RUVBL1: variants seen among roughly 807,000 people sequenced by gnomAD.
RUVBL1 encodes RuvB like AAA ATPase 1.
RUVBL1 carries 4 observed loss-of-function variants against 52.4 expected under a neutral mutation model. The observed-to-expected ratio is 0.08, with a 90% CI of 0.04 to 0.17. The LOEUF (loss-of-function observed/expected upper bound fraction) is 0.17, where lower values mean the gene tolerates loss of function less well. RUVBL1 is among the 10% of genes least tolerant of loss of function. RUVBL1 has a pLI of 1.00. For synonymous variants in RUVBL1, 217 were observed against 214.4 expected (o/e 1.01, Z -0.10); for missense variants, 298 against 572.8 (o/e 0.52, Z 4.90).
At chr3:128,103,826 A>T (rs1447566536) in intron 4 of RUVBL1, among the ~76,000 whole-genome samples, 1 of 152,232 alleles carries the variant, frequency 6.6e-6, no homozygotes, top group Non-Finnish European at 1.5e-5. Context: ...ATGACAATAA[A>T]TGTTTGTTGA....
intron 2 of RUVBL1, among the ~76,000 whole-genome samples, 183 bp from the exon 3 acceptor site, chr3:128,113,203 C>G (rs1943433989): frequency 6.6e-6 from 1 of 152,200 alleles, no homozygotes; most frequent in African/African-American, 2.4e-5. Flanking sequence ...TAAATGGCAT[C>G]TCTTATCTTC....
At chr3:128,125,004 CCT>C (rs1943760478), upstream of RUVBL1, among the ~76,000 whole-genome samples, 1 of 77,576 alleles carries the variant, frequency 1.3e-5, no homozygotes, top group East Asian at 3.9e-4. Flanking sequence ...TCTCACACCG[CCT>C]TTTTTTTTTT....
chr3:128,069,156 G>C (rs1942076182), intron 9 of RUVBL1, among the ~76,000 whole-genome samples: 1 of 152,124 alleles, frequency 6.6e-6, no homozygotes, highest in Non-Finnish European at 1.5e-5. Flanking sequence ...TATATCCAAA[G>C]TATCATTTCA....
chr3:128,080,456 C>T (rs1488985940), downstream of RUVBL1, among the ~76,000 whole-genome samples: 1 of 152,204 alleles, frequency 6.6e-6, no homozygotes, highest in Non-Finnish European at 1.5e-5. Context: ...ACCCGACAAA[C>T]ATGACCTCAG....
chr3:128,112,158 T>C (rs1023762867), intron 3 of RUVBL1, among the ~76,000 whole-genome samples: 6 of 152,204 alleles, frequency 3.9e-5, no homozygotes, highest in African/African-American at 1.2e-4. Context: ...CCAGAAGTCC[T>C]AGCTAGCAAA....
chr3:128,094,343 G>C (rs1942920570), intron 8 of RUVBL1, among the ~76,000 whole-genome samples: 1 of 152,200 alleles, frequency 6.6e-6, no homozygotes, highest in Admixed American at 6.5e-5. Context: ...GGAGGGGTGA[G>C]CGGCAAGAAG....
chr3:128,100,510 G>C, intron 6 of RUVBL1, 85 bp downstream of exon 6: 1 of 1,479,434 alleles, frequency 6.8e-7, no homozygotes, highest in Non-Finnish European at 9.0e-7. Flanking sequence ...AAGAAAGGCA[G>C]CAAGACTCTG....
intron 3 of RUVBL1, among the ~76,000 whole-genome samples, 160 bp downstream of exon 3, chr3:128,112,728 G>A (rs188943528): frequency 2.6e-5 from 4 of 152,258 alleles, no homozygotes; most frequent in African/African-American, 9.6e-5. Flanking sequence ...GAAAAACTGG[G>A]GTTTTGTTTT....
chr3:128,067,474 T>C lies in RUVBL1; in HGVS notation c.940-2254A>G. 1.2e-6 allele frequency: 2 copies of C among 1,614,188 alleles called. No individual in the cohort carries two copies. The highest frequency in any genetic ancestry group is 1.1e-5 in the South Asian group (1 of 91,088). On this transcript the variant is annotated intron_variant, in intron 9 of 9. Coordinates refer to the RUVBL1 transcript ENST00000464873. This position sits in a 1 kb window ranked among gnomAD's most constrained non-coding sequence, Gnocchi z 4.1. ...CTTATCCAGTTGGTGGCCTTTGCTA[T>C]TACCTGTCCCCTCCAGAATCTTTTG...
intron 3 of RUVBL1, among the ~76,000 whole-genome samples, chr3:128,110,387 C>T (rs966198117): frequency 3.3e-5 from 5 of 152,104 alleles, no homozygotes; most frequent in African/African-American, 9.7e-5. Flanking sequence ...GCCCCAGCTA[C>T]TTGGGAGGCT....
chr3:128,081,208 G>T lies in RUVBL1; in HGVS notation c.*42C>A. On this transcript the variant is annotated 3_prime_UTR_variant, in exon 11 of 11. Transcript: ENST00000322623. This position sits in a 1 kb window ranked among gnomAD's most constrained non-coding sequence, Gnocchi z 4.8. Reference sequence around the variant, plus strand: ...CGCCCACAGGCTGGACCCAGGCCAGGCACACCTGGGGAGTCTCTTACTGCT... The same window carrying T: ...CGCCCACAGGCTGGACCCAGGCCAGTCACACCTGGGGAGTCTCTTACTGCT... 1 of 1,588,864 alleles carries T rather than the reference G, an allele frequency of 6.3e-7. No individual in the cohort carries two copies. Among genetic ancestry groups the T allele is most frequent in the Non-Finnish European group, 8.6e-7 (1 of 1,162,640 alleles).
At chr3:128,109,174 G>A (rs1943318226) in intron 3 of RUVBL1, among the ~76,000 whole-genome samples, 1 of 152,182 alleles carries the variant, frequency 6.6e-6, no homozygotes, top group South Asian at 2.1e-4. Flanking sequence ...TTCCTTCGGT[G>A]GTGACGGTAT....
rs756694637 is a variant in RUVBL1, at chr3:128,081,424, G to C, written c.1212-15C>G. Reference sequence around the variant, plus strand: ...GCACTGAGTACCTAGAGTGGACAGGGGCCAGGGCTGGAGTGAAACTGGGGC... The same window carrying C: ...GCACTGAGTACCTAGAGTGGACAGGCGCCAGGGCTGGAGTGAAACTGGGGC... On this transcript the variant is annotated splice_polypyrimidine_tract_variant and intron_variant, in intron 10 of 10. Coordinates refer to ENST00000322623, the MANE Select transcript of RUVBL1 (RefSeq NM_003707.3). The surrounding 1 kb of genome is among the most constrained non-coding windows in gnomAD (Gnocchi z 4.8). 1.2e-6 allele frequency: 2 copies of C among 1,605,612 alleles called. No individual in the cohort carries two copies. The highest frequency in any genetic ancestry group is 3.3e-5 in the Admixed American group (2 of 59,744).
intron 1 of RUVBL1, among the ~76,000 whole-genome samples, chr3:128,149,349 T>C (rs1035481338): frequency 3.3e-5 from 5 of 152,132 alleles, no homozygotes; most frequent in African/African-American, 1.2e-4. Context: ...CATGCCTGGC[T>C]AATTTTTGTA....
Position 128,067,834 on chromosome 3 carries a change from C to T in RUVBL1, c.940-2614G>A. 1 of 732,844 alleles carries T rather than the reference C, an allele frequency of 1.4e-6. No homozygotes were observed. Among genetic ancestry groups the T allele is most frequent in the Admixed American group, 2.3e-5 (1 of 44,032 alleles). 45.4% of individuals were successfully genotyped at this position (732,844 alleles called of 1,614,324 possible). On this transcript the variant is annotated intron_variant, in intron 9 of 9. Coordinates refer to the RUVBL1 transcript ENST00000464873. This position sits in a 1 kb window ranked among gnomAD's most constrained non-coding sequence, Gnocchi z 4.1. ...TCCACACTGTAAAGTTAGACTTTTT[C>T]ATATGACTTCCTTGCGGCAGTTTTA...
At chr3:128,086,782 A>T (rs554253305) in intron 9 of RUVBL1, among the ~76,000 whole-genome samples, 1 of 152,274 alleles carries the variant, frequency 6.6e-6, no homozygotes, top group African/African-American at 2.4e-5. Flanking sequence ...TGCTTGGCAC[A>T]TAGTTGTGCT....
At chr3:128,069,337 T>G in intron 9 of RUVBL1, 5 of 788,834 alleles carry the variant, frequency 6.3e-6, no homozygotes, top group Non-Finnish European at 1.0e-5. Flanking sequence ...AGCGCTAGCA[T>G]GTTAGTAGAT....
upstream of RUVBL1, among the ~76,000 whole-genome samples, chr3:128,128,801 GT>G (rs1559832492): frequency 6.6e-6 from 1 of 152,202 alleles, no homozygotes; most frequent in Non-Finnish European, 1.5e-5. Context: ...CTTCTACTAT[GT>G]GCCAAGCACT....
intron 2 of RUVBL1, 80 bp from the exon 3 acceptor site, chr3:128,113,100 G>A: frequency 1.3e-6 from 2 of 1,496,006 alleles, no homozygotes; most frequent in Admixed American, 2.0e-5. Context: ...AGAACCACCA[G>A]GAACTAGGAA....
Sources: allele counts gnomAD v4.1 joint callset (sites outside exome capture counted in the v4.1 genomes callset), GRCh38; gene constraint gnomAD v4.1.1; non-coding constraint Gnocchi (gnomAD v3.1); transcripts MANE v1.5; gene names NCBI Gene and HGNC (gene_info 2026-07-23, HGNC 2026-07-21).